GFRA1: variants seen among roughly 807,000 people sequenced by gnomAD.
GFRA1 encodes the protein GDNF family receptor alpha-1.
GFRA1 carries 16 observed loss-of-function variants against 51.6 expected under a neutral mutation model. The observed-to-expected ratio is 0.31, with a 90% CI of 0.21 to 0.47. The LOEUF is 0.47. Ranked by LOEUF, GFRA1 falls within the 20% of genes least tolerant of loss-of-function variation. The pLI, the probability that GFRA1 is intolerant of heterozygous loss-of-function variation, is 1.00. For missense variants in GFRA1, 530 were observed against 594.3 expected, an observed-to-expected ratio of 0.89 and a Z score of 1.13; for synonymous variants, 270 against 241.3, an observed-to-expected ratio of 1.12 and a Z score of -1.10.
At position 116,059,957 on chromosome 10, in the gene GFRA1, A is replaced by C. The variant is rs976394430; in HGVS notation, c.*4441T>G. On this transcript the variant is annotated 3_prime_UTR_variant, in exon 11 of 11. Transcript: ENST00000355422. ...AAATTTAGAGCTATTACGATGAAGA[A>C]TTGGGGAGGGCAATACTTAGGCAAT... 1 of 152,188 alleles carries C rather than the reference A, an allele frequency of 6.6e-6. No homozygotes were observed. Among genetic ancestry groups the C allele is most frequent in the South Asian group, 2.1e-4 (1 of 4,828 alleles). The allele number at this position is 152,188 out of a possible 1,614,324, so 9.4% of individuals were successfully genotyped here.
intron 10 of GFRA1, among the ~76,000 whole-genome samples, chr10:116,065,235 A>T (rs1398059638): frequency 6.6e-6 from 1 of 152,176 alleles, no homozygotes; most frequent in Admixed American, 6.5e-5. Context: ...GGCACCACAG[A>T]TGATAGAGAA....
At chr10:116,125,964 A>G (rs547705193) in intron 5 of GFRA1, among the ~76,000 whole-genome samples, 1 of 152,334 alleles carries the variant, frequency 6.6e-6, no homozygotes, top group East Asian at 1.9e-4. Flanking sequence ...TTGCCATACA[A>G]TCCTCCAAGA....
chr10:116,231,929 A>T (rs1330652304), intron 4 of GFRA1, among the ~76,000 whole-genome samples: 1 of 152,188 alleles, frequency 6.6e-6, no homozygotes, highest in Non-Finnish European at 1.5e-5. Flanking sequence ...ATCTCCTTAA[A>T]ATATAGCCCT....
intron 5 of GFRA1, among the ~76,000 whole-genome samples, chr10:116,195,577 G>A (rs182263943): frequency 2.6e-4 from 39 of 152,314 alleles, no homozygotes; most frequent in Admixed American, 2.4e-3. Flanking sequence ...TCTGACAGGA[G>A]GTGAAGCTCT....
rs558779070 is a variant in GFRA1 at position 116,203,859 on chromosome 10, G to C, written c.433+7772C>G. Among the ~76,000 whole-genome samples the C allele has an allele frequency of 2.0e-5, 3 of 152,340 alleles. No homozygotes were observed. The South Asian group carries it at 6.2e-4, about 32-fold the overall frequency. On this transcript the variant is annotated intron_variant, in intron 5 of 10. Transcript: ENST00000355422. ...AGTTCTGTTGTTTTGTCGCTGGCTTGCCTACGCTATGGGAAAAGCACAAAT... is the reference window on the plus strand; with the variant it reads ...AGTTCTGTTGTTTTGTCGCTGGCTTCCCTACGCTATGGGAAAAGCACAAAT...
chr10:116,215,553 C>T (rs916497267), intron 4 of GFRA1, among the ~76,000 whole-genome samples: 3 of 152,190 alleles, frequency 2.0e-5, no homozygotes, highest in Admixed American at 2.0e-4. Context: ...ACCCCTGTCA[C>T]GGGGCTGAGA....
chr10:116,112,281 G>A (rs2133971431), intron 6 of GFRA1, among the ~76,000 whole-genome samples: 1 of 152,278 alleles, frequency 6.6e-6, no homozygotes, highest in Non-Finnish European at 1.5e-5. Context: ...GTTAGATGAA[G>A]CCAGCTAACT....
intron 6 of GFRA1, 113 bp downstream of exon 6, chr10:116,125,108 C>T (rs1957799076): frequency 4.4e-6 from 4 of 913,118 alleles, no homozygotes; most frequent in Non-Finnish European, 7.1e-6. Context: ...GGACTGGGCT[C>T]CCCTCCCTCC....
rs560691973 is a variant in GFRA1, at chr10:116,090,737, T to A, written c.1016-815A>T. ...TTTGGCCTGGATTTAGGGTTTTTTT[T>A]TATTTCATATTCATTGTATAAAAAA... is the stretch of plus-strand genomic sequence containing the variant. On this transcript the variant is annotated intron_variant, in intron 8 of 10. Coordinates refer to ENST00000355422, the MANE Select transcript of GFRA1 (RefSeq NM_005264.8). Among the ~76,000 whole-genome samples the A allele has an allele frequency of 1.2e-4, 18 of 152,296 alleles. 1 individual carries two copies. The highest frequency in any genetic ancestry group is 4.3e-4 in the African/African-American group (18 of 41,554).
chr10:116,072,776 A>G (rs1955460318), intron 9 of GFRA1, among the ~76,000 whole-genome samples: 1 of 152,096 alleles, frequency 6.6e-6, no homozygotes, highest in African/African-American at 2.4e-5. Context: ...AAAACAAAAC[A>G]AAACAAAAAA....
intron 4 of GFRA1, among the ~76,000 whole-genome samples, chr10:116,229,335 G>A (rs779266282): frequency 2.0e-5 from 3 of 152,096 alleles, no homozygotes; most frequent in Non-Finnish European, 4.4e-5. Flanking sequence ...TTATCCAAAC[G>A]AAAACTCAAG....
chr10:116,229,188 G>A lies in GFRA1; in HGVS notation c.419-17543C>T, dbSNP rs183226171. Among the ~76,000 whole-genome samples the A allele has an allele frequency of 3.8e-4, 58 of 152,090 alleles. No homozygotes were observed. The East Asian group carries it at 0.011, about 29-fold the overall frequency. On this transcript the variant is annotated intron_variant, in intron 4 of 10. Coordinates refer to ENST00000355422, the MANE Select transcript of GFRA1 (RefSeq NM_005264.8). ...TATTGGTTAAGCCACTACATTTAGG[G>A]TAATTTGTTGCAGAAGCAGTAGGAA...
intron 6 of GFRA1, among the ~76,000 whole-genome samples, chr10:116,104,029 G>C (rs1211056714): frequency 6.6e-6 from 1 of 152,212 alleles, no homozygotes; most frequent in Non-Finnish European, 1.5e-5. Context: ...CTAGGACTGA[G>C]TGTGGAGACG....
At chr10:116,237,433 G>A (rs1966960730) in intron 4 of GFRA1, among the ~76,000 whole-genome samples, 1 of 152,192 alleles carries the variant, frequency 6.6e-6, no homozygotes, top group Non-Finnish European at 1.5e-5. Context: ...ATGTGGCAGA[G>A]GAAGGATTGA....
At chr10:116,182,136 G>T (rs1458138918) in intron 5 of GFRA1, among the ~76,000 whole-genome samples, 1 of 152,070 alleles carries the variant, frequency 6.6e-6, no homozygotes, top group African/African-American at 2.4e-5. Flanking sequence ...GGAGGGCAAA[G>T]GTTGGGAGGG....
intron 4 of GFRA1, among the ~76,000 whole-genome samples, chr10:116,232,552 G>A (rs1446154029): frequency 6.6e-6 from 1 of 151,836 alleles, no homozygotes; most frequent in South Asian, 2.1e-4. Flanking sequence ...TAAAGGGCTT[G>A]TCTAATTTTG....
chr10:116,212,717 G>T (rs1472702950), intron 4 of GFRA1, among the ~76,000 whole-genome samples: 1 of 152,146 alleles, frequency 6.6e-6, no homozygotes, highest in East Asian at 1.9e-4. Flanking sequence ...GTAGCACACG[G>T]TAGCTCATTC....
intron 4 of GFRA1, among the ~76,000 whole-genome samples, chr10:116,215,523 A>T (rs929788274): frequency 5.9e-5 from 9 of 152,222 alleles, no homozygotes; most frequent in African/African-American, 2.2e-4. Context: ...TCCTTGTTGA[A>T]AACCCAGGCA....
chr10:116,120,213 C>T (rs1352565198), intron 6 of GFRA1, among the ~76,000 whole-genome samples: 2 of 152,162 alleles, frequency 1.3e-5, no homozygotes, highest in Non-Finnish European at 2.9e-5. Flanking sequence ...GAGCCGCTGA[C>T]CAATTTCCTT....
Sources: gnomAD v4.1 joint callset for allele counts (sites outside exome capture counted in the v4.1 genomes callset) on GRCh38, gnomAD v4.1.1 for gene constraint, MANE v1.5 for transcripts, NCBI Gene and HGNC (gene_info 2026-07-23, HGNC 2026-07-21) for gene names.